Variants in GOLIM4 observed in about 807,000 individuals in gnomAD.
The protein encoded by GOLIM4 is golgi integral membrane protein 4.
In GOLIM4, 71 loss-of-function variants were observed where a neutral mutation model predicts 107.4. The observed-to-expected ratio is 0.66, with a 90% CI of 0.55 to 0.81. The LOEUF (loss-of-function observed/expected upper bound fraction) is 0.81, where lower values mean the gene tolerates loss of function less well. Among genes scored for constraint, GOLIM4 ranks in the 30% least tolerant of loss-of-function variants. The pLI is 0.00. For synonymous variants in GOLIM4, 327 were observed against 294.8 expected, an observed-to-expected ratio of 1.11 and a Z score of -1.12; for missense variants, 830 against 826.1, an observed-to-expected ratio of 1.00 and a Z score of -0.06.
chr3:168,020,274 G>C (rs1195405929), intron 14 of GOLIM4, among the ~76,000 whole-genome samples: 1 of 152,138 alleles, frequency 6.6e-6, no homozygotes, highest in Non-Finnish European at 1.5e-5. Context: ...ACTTTGGTTA[G>C]AAAGTCTTTA....
intron 1 of GOLIM4, among the ~76,000 whole-genome samples, chr3:168,050,581 G>A (rs571112512): frequency 6.6e-6 from 1 of 152,142 alleles, no homozygotes; most frequent in South Asian, 2.1e-4. Flanking sequence ...TCCCCAGCTG[G>A]AAGGAAAAAC....
intron 1 of GOLIM4, among the ~76,000 whole-genome samples, chr3:168,078,022 C>T (rs1222546720): frequency 6.6e-6 from 1 of 151,886 alleles, no homozygotes; most frequent in Non-Finnish European, 1.5e-5. Flanking sequence ...CCAAACTTCA[C>T]AAGTATAACT....
chr3:168,093,304 G>C (rs1721999705), intron 1 of GOLIM4, among the ~76,000 whole-genome samples: 1 of 152,192 alleles, frequency 6.6e-6, no homozygotes, highest in Non-Finnish European at 1.5e-5. Context: ...GTCTCAGAAA[G>C]ACAAAAGTGC....
At chr3:168,044,590 G>A (rs748059492) in intron 4 of GOLIM4, among the ~76,000 whole-genome samples, 10 of 152,102 alleles carry the variant, frequency 6.6e-5, no homozygotes, top group African/African-American at 1.7e-4. Flanking sequence ...TGAGGTAACC[G>A]AGAGCCTGAT....
intron 14 of GOLIM4, among the ~76,000 whole-genome samples, chr3:168,019,103 A>G (rs4600858): frequency 0.29 from 44,837 of 152,198 alleles, 12,534 homozygotes; most frequent in African/African-American, 0.74. Flanking sequence ...AACTCCTAAC[A>G]TATACTATGG....
intron 1 of GOLIM4, among the ~76,000 whole-genome samples, chr3:168,075,505 A>C (rs1398095911): frequency 6.6e-6 from 1 of 151,566 alleles, no homozygotes; most frequent in Non-Finnish European, 1.5e-5. Context: ...TCACCGTTTT[A>C]GCCGGGATGG....
chr3:168,080,247 C>T (rs567955643), intron 1 of GOLIM4, among the ~76,000 whole-genome samples: 36 of 152,238 alleles, frequency 2.4e-4, no homozygotes, highest in South Asian at 4.1e-4. Context: ...CCAACAGAAA[C>T]GCACTCTGAA....
At chr3:168,058,965 A>G (rs1166559255) in intron 1 of GOLIM4, among the ~76,000 whole-genome samples, 5 of 152,160 alleles carry the variant, frequency 3.3e-5, no homozygotes, top group Admixed American at 2.0e-4. Context: ...TATGCACAAG[A>G]GAAAAAGAGA....
At chr3:168,082,510 T>C (rs561058486) in intron 1 of GOLIM4, among the ~76,000 whole-genome samples, 1 of 152,190 alleles carries the variant, frequency 6.6e-6, no homozygotes, top group Admixed American at 6.5e-5. Flanking sequence ...AGTTTCAACA[T>C]AAGGGAGCAT....
intron 14 of GOLIM4, among the ~76,000 whole-genome samples, chr3:168,013,167 T>C (rs1717156200): frequency 6.6e-6 from 1 of 151,314 alleles, no homozygotes; most frequent in Non-Finnish European, 1.5e-5. Flanking sequence ...GAGACACACA[T>C]AGGCTCAAAA....
chr3:168,021,101 A>C (rs1717652688), intron 14 of GOLIM4, among the ~76,000 whole-genome samples: 1 of 152,214 alleles, frequency 6.6e-6, no homozygotes, highest in African/African-American at 2.4e-5. Context: ...GATGACACAA[A>C]GTTTAATAAA....
intron 1 of GOLIM4, among the ~76,000 whole-genome samples, chr3:168,084,724 G>T (rs139761883): frequency 5.3e-5 from 8 of 152,270 alleles, no homozygotes; most frequent in Non-Finnish European, 8.8e-5. Flanking sequence ...AAAATCTAAA[G>T]GTGGAAGTAG....
intron 14 of GOLIM4, among the ~76,000 whole-genome samples, chr3:168,016,808 C>T (rs1396924438): frequency 2.1e-5 from 3 of 139,968 alleles, no homozygotes; most frequent in Non-Finnish European, 1.5e-5. Flanking sequence ...AACCAAACAC[C>T]GCATATTCTC....
chr3:168,042,027 G>A lies in GOLIM4; in HGVS notation c.518-553C>T, dbSNP rs578134729. On this transcript the variant is annotated intron_variant, in intron 5 of 15. Coordinates refer to ENST00000470487, the MANE Select transcript of GOLIM4 (RefSeq NM_014498.5). The stretch of plus-strand genomic sequence containing the variant: ...AAATGCTATATTATAGAGAAATGTT[G>A]CAAAAAACATATAGAGTGGTCCTAA... Among the ~76,000 whole-genome samples, 214 of 152,036 alleles carry A rather than the reference G, an allele frequency of 1.4e-3. 1 individual carries two copies. The highest frequency in any genetic ancestry group is 5.1e-3 in the African/African-American group (212 of 41,482).
intron 1 of GOLIM4, among the ~76,000 whole-genome samples, chr3:168,080,174 T>A (rs1721279737): frequency 6.6e-6 from 1 of 152,146 alleles, no homozygotes; most frequent in Admixed American, 6.5e-5. Context: ...GCTGCGGAGA[T>A]CTTCTGACAA....
chr3:168,071,201 T>C (rs1237311461), intron 1 of GOLIM4, among the ~76,000 whole-genome samples: 2 of 152,192 alleles, frequency 1.3e-5, no homozygotes, highest in Non-Finnish European at 2.9e-5. Context: ...CATGCTAAAG[T>C]AGAGAGAAAA....
intron 14 of GOLIM4, among the ~76,000 whole-genome samples, chr3:168,020,488 T>C (rs1056220153): frequency 6.6e-6 from 1 of 152,214 alleles, no homozygotes; most frequent in Non-Finnish European, 1.5e-5. Flanking sequence ...GGTAAGGGTC[T>C]GGTCCAGAAA....
intron 1 of GOLIM4, among the ~76,000 whole-genome samples, chr3:168,057,193 C>A (rs915263381): frequency 1.3e-5 from 2 of 152,206 alleles, no homozygotes; most frequent in Non-Finnish European, 2.9e-5. Context: ...TGAGACATGC[C>A]TTTCACCTTC....
Position 168,032,755 on chromosome 3 carries a change from A to G in GOLIM4, c.941T>C (p.Phe314Ser), listed in dbSNP as rs1718406344. Residue 314 changes from phenylalanine (F) to serine (S), a missense_variant, in exon 9 of 16, where the codon TTT (phenylalanine) becomes TCT (serine). By Grantham distance (155) the Phe-to-Ser change is radical (BLOSUM62 -2). Coordinates refer to ENST00000470487, the MANE Select transcript of GOLIM4 (RefSeq NM_014498.5). ...TTGGATTGGCTCTGGGGGAGCCTGA[A>G]ATTCTGCCTCCTTATGGGTGGGAGC... ...LYAPTHKEAE[F>S]QAPPEPIQQE... The G allele has an allele frequency of 1.9e-6, 3 of 1,613,842 alleles. No homozygotes were observed. The highest frequency in any genetic ancestry group is 2.5e-6 in the Non-Finnish European group (3 of 1,179,902).
Sources: allele counts gnomAD v4.1 joint callset (sites outside exome capture counted in the v4.1 genomes callset), GRCh38; gene constraint gnomAD v4.1.1; transcripts MANE v1.5; gene names NCBI Gene and HGNC (gene_info 2026-07-23, HGNC 2026-07-21).